MIGA2: variants seen among roughly 807,000 people sequenced by gnomAD.
MIGA2 encodes mitoguardin 2.
Under a neutral mutation model 69.9 loss-of-function variants are expected in MIGA2, and 36 were observed. The observed-to-expected ratio is 0.52, with a 90% CI of 0.39 to 0.68. The LOEUF (loss-of-function observed/expected upper bound fraction) is 0.68, where lower values mean the gene tolerates loss of function less well. Ranked by LOEUF, MIGA2 falls within the 30% of genes least tolerant of loss-of-function variation. The pLI is 0.00. For missense variants in MIGA2, 660 were observed against 787.7 expected (o/e 0.84, Z 1.94); for synonymous variants, 333 against 349.2 (o/e 0.95, Z 0.52).
intron 6 of MIGA2, among the ~76,000 whole-genome samples, chr9:129,053,419 A>C (rs1409630924): frequency 6.6e-6 from 1 of 150,474 alleles, no homozygotes; most frequent in Non-Finnish European, 1.5e-5. Context: ...GCTGGAGTGC[A>C]GTGGCGCAAT....
chr9:129,063,963 T>C (rs771012474), intron 11 of MIGA2, among the ~76,000 whole-genome samples: 1 of 152,182 alleles, frequency 6.6e-6, no homozygotes, highest in Non-Finnish European at 1.5e-5. Flanking sequence ...ACACCTGGGC[T>C]GTCTGAGGTT....
At chr9:129,064,431 TCTC>T (rs1028785274) in intron 11 of MIGA2, among the ~76,000 whole-genome samples, 23 of 151,818 alleles carry the variant, frequency 1.5e-4, no homozygotes, top group African/African-American at 5.6e-4. Flanking sequence ...ATGGTCTCGA[TCTC>T]CTGACCTCGT....
At position 129,059,351 on chromosome 9, in the gene MIGA2, C is replaced by G; in HGVS notation, c.793+80C>G. The G allele has an allele frequency of 5.2e-6, 6 of 1,148,560 alleles. No individual in the cohort carries two copies. Among genetic ancestry groups the G allele is most frequent in the Non-Finnish European group, 7.6e-6 (6 of 793,728 alleles). The allele number at this position is 1,148,560 out of a possible 1,614,324, so 71.1% of individuals were successfully genotyped here. ...TGAGGAGAAGTTGCGAGAACCGGGT[C>G]GTGGTTCTCTCAGTGCGTCCAATGA... On this transcript the variant is annotated intron_variant, in intron 7 of 15. Coordinates refer to ENST00000684074, the MANE Select transcript of MIGA2 (RefSeq NM_001329990.2). The surrounding 1 kb of genome is among the most constrained non-coding windows in gnomAD (Gnocchi z 5.6).
intron 4 of MIGA2, 21 bp from the exon 5 acceptor site, chr9:129,049,360 C>T: frequency 6.2e-7 from 1 of 1,610,972 alleles, no homozygotes; most frequent in Middle Eastern, 1.7e-4. Flanking sequence ...ACTCTTTCTT[C>T]TTGCACTGAT....
At chr9:129,042,004 G>A in intron 2 of MIGA2, 1 of 407,304 alleles carries the variant, frequency 2.5e-6, no homozygotes, top group Non-Finnish European at 4.7e-6. Context: ...TCCTAGTGCA[G>A]TGCCGGGCAC....
chr9:129,054,974 C>T lies in MIGA2; in HGVS notation c.676-4180C>T, dbSNP rs146211556. On this transcript the variant is annotated intron_variant, in intron 6 of 15. Coordinates refer to ENST00000684074, the MANE Select transcript of MIGA2 (RefSeq NM_001329990.2). The stretch of plus-strand genomic sequence containing the variant: ...TGGCACAATCTCGGCTCACCACAAC[C>T]TCCACCCCCCAGGTTCAAACGATTC... 4.8e-3 allele frequency among the ~76,000 whole-genome samples: 726 copies of T among 152,320 alleles called. 4 individuals carry two copies. Among genetic ancestry groups the T allele is most frequent in the African/African-American group, 0.015 (643 of 41,562 alleles).
In MIGA2 at chr9:129,060,702, C is replaced by G. The variant is rs1271523153; in HGVS notation, c.894+52C>G. 6.9e-7 allele frequency: 1 copy of G among 1,441,174 alleles called. No homozygotes were observed. Among genetic ancestry groups the G allele is most frequent in the Non-Finnish European group, 9.5e-7 (1 of 1,051,294 alleles). The allele number at this position is 1,441,174 out of a possible 1,614,324, so 89.3% of individuals were successfully genotyped here. A position where few individuals can be genotyped will look rare whatever the true frequency, so the allele number is the denominator to read the frequency against. ...GGGTGGGGTGAAGGCTGGGCCTCCT[C>G]TGCAGGTCCATGGGGCCAGCACTGG... On this transcript the variant is annotated intron_variant, in intron 8 of 15. Coordinates refer to ENST00000684074, the MANE Select transcript of MIGA2 (RefSeq NM_001329990.2). The surrounding 1 kb of genome is among the most constrained non-coding windows in gnomAD (Gnocchi z 4.8).
In MIGA2 at chr9:129,059,267, C is replaced by A; in HGVS notation, c.789C>A (p.Asp263Glu). Reference sequence around the variant, plus strand: ...TCCCCGCAGACAGCATGCTGCTAGACCTCGGTGAGCTGGGCCCAGTGCAGG... The same window carrying A: ...TCCCCGCAGACAGCATGCTGCTAGAACTCGGTGAGCTGGGCCCAGTGCAGG... The part of the protein sequence containing the change: ...STFPADSMLL[D>E]LERTLMLPLT... The change falls in exon 7 of 16, where the codon GAC becomes GAA. Residue 263 changes from aspartate to glutamate, a missense_variant. This residue lies in a region of MIGA2 where 386 missense variants were observed against 402.0 expected (regional missense o/e 0.96). Transcript: ENST00000684074. The surrounding 1 kb of genome is among the most constrained non-coding windows in gnomAD (Gnocchi z 5.6). 6.4e-7 allele frequency: 1 copy of A among 1,572,054 alleles called. No homozygotes were observed. The highest frequency in any genetic ancestry group is 8.6e-7 in the Non-Finnish European group (1 of 1,157,212).
At position 129,069,476 on chromosome 9, in the gene MIGA2, CCA is replaced by C. The variant is rs1358214218; in HGVS notation, c.1458+348_1458+349del. ...CTGTCCCTCCTGCCCTTTCCCCGCCCCAGTCAGGCCCCTGTAATCTCCGCTCC... is the reference window on the plus strand; with the variant it reads ...CTGTCCCTCCTGCCCTTTCCCCGCCCGTCAGGCCCCTGTAATCTCCGCTCC... On this transcript the variant is annotated intron_variant, in intron 14 of 15. Transcript: ENST00000684074. The surrounding 1 kb of genome is among the most constrained non-coding windows in gnomAD (Gnocchi z 4.9). 6 of 508,606 alleles carry C rather than the reference CCA, an allele frequency of 1.2e-5. No individual in the cohort carries two copies. Among genetic ancestry groups the C allele is most frequent in the Non-Finnish European group, 2.1e-5 (6 of 280,292 alleles). The allele number at this position is 508,606 out of a possible 1,614,324, so 31.5% of individuals were successfully genotyped here. A position where few individuals can be genotyped will look rare whatever the true frequency, so the allele number is the denominator to read the frequency against.
rs926962338 is a variant in MIGA2 at position 129,069,627 on chromosome 9, C to A, written c.1459-222C>A. On this transcript the variant is annotated intron_variant, in intron 14 of 15. Coordinates refer to ENST00000684074, the MANE Select transcript of MIGA2 (RefSeq NM_001329990.2). This position sits in a 1 kb window ranked among gnomAD's most constrained non-coding sequence, Gnocchi z 4.9. ...GCTCCAGGCACTTCCCGCGGAGCCA[C>A]TATGGCCCCACCTCTTGCAGTACTC... The A allele has an allele frequency of 2.4e-5, 14 of 585,760 alleles. No individual in the cohort carries two copies. Among genetic ancestry groups the A allele is most frequent in the Non-Finnish European group, 4.0e-5 (13 of 325,942 alleles). The allele number at this position is 585,760 out of a possible 1,614,324, so 36.3% of individuals were successfully genotyped here. A position where few individuals can be genotyped will look rare whatever the true frequency, so the allele number is the denominator to read the frequency against.
intron 11 of MIGA2, among the ~76,000 whole-genome samples, chr9:129,063,981 A>C (rs1001438131): frequency 6.6e-6 from 1 of 152,148 alleles, no homozygotes; most frequent in African/African-American, 2.4e-5. Flanking sequence ...GTTCACCATC[A>C]CAGACAACAC....
In MIGA2 at chr9:129,061,356, TGTGGAGGGAGGGAGGGAGGGAGCAGGA is replaced by T; in HGVS notation, c.1010+12_1010+38del. On this transcript the variant is annotated intron_variant, in intron 9 of 15. Coordinates refer to ENST00000684074, the MANE Select transcript of MIGA2 (RefSeq NM_001329990.2). The surrounding 1 kb of genome is among the most constrained non-coding windows in gnomAD (Gnocchi z 5.0). The stretch of plus-strand genomic sequence containing the variant: ...CTTGCCGGACCCTCAGGTGAGCAGG[TGTGGAGGGAGGGAGGGAGGGAGCAGGA>T]GGCGATGGGTGATTCTGGCCCTTGC... The T allele has an allele frequency of 7.1e-7, 1 of 1,400,824 alleles. No individual in the cohort carries two copies. Among genetic ancestry groups the T allele is most frequent in the Non-Finnish European group, 9.9e-7 (1 of 1,005,456 alleles). 86.8% of individuals were successfully genotyped at this position (1,400,824 alleles called of 1,614,324 possible).
At position 129,059,373 on chromosome 9, in the gene MIGA2, A is replaced by C; in HGVS notation, c.793+102A>C. On this transcript the variant is annotated intron_variant, in intron 7 of 15. Coordinates refer to ENST00000684074, the MANE Select transcript of MIGA2 (RefSeq NM_001329990.2). This position sits in a 1 kb window ranked among gnomAD's most constrained non-coding sequence, Gnocchi z 5.6. Reference sequence around the variant, plus strand: ...GGTCGTGGTTCTCTCAGTGCGTCCAATGAATCAGAATCCCCAGGGCTCTCC... The same window carrying C: ...GGTCGTGGTTCTCTCAGTGCGTCCACTGAATCAGAATCCCCAGGGCTCTCC... 1.2e-6 allele frequency: 1 copy of C among 845,990 alleles called. No individual in the cohort carries two copies. Among genetic ancestry groups the C allele is most frequent in the Non-Finnish European group, 1.9e-6 (1 of 526,510 alleles). The allele number at this position is 845,990 out of a possible 1,614,324, so 52.4% of individuals were successfully genotyped here.
Position 129,068,809 on chromosome 9 carries a change from T to C in MIGA2, c.1405-267T>C. 2.0e-6 allele frequency: 1 copy of C among 510,648 alleles called. No homozygotes were observed. Among genetic ancestry groups the C allele is most frequent in the South Asian group, 2.3e-5 (1 of 43,222 alleles). The allele number at this position is 510,648 out of a possible 1,614,324, so 31.6% of individuals were successfully genotyped here. A position where few individuals can be genotyped will look rare whatever the true frequency, so the allele number is the denominator to read the frequency against. On this transcript the variant is annotated intron_variant, in intron 13 of 15. Transcript: ENST00000684074. This position sits in a 1 kb window ranked among gnomAD's most constrained non-coding sequence, Gnocchi z 4.1. Reference sequence around the variant, plus strand: ...TTGCTCCCACAACCACCAAAGGAGGTGGGAGTGCTGTGTTGTGCCCCTTTA... The same window carrying C: ...TTGCTCCCACAACCACCAAAGGAGGCGGGAGTGCTGTGTTGTGCCCCTTTA...
In MIGA2 at chr9:129,068,007, G is replaced by C. The variant is rs554204655; in HGVS notation, c.1269+136G>C. 142 of 1,281,892 alleles carry C rather than the reference G, an allele frequency of 1.1e-4. 1 individual carries two copies. In the South Asian group the frequency reaches 1.8e-3, roughly 16 times the overall value. The allele number at this position is 1,281,892 out of a possible 1,614,324, so 79.4% of individuals were successfully genotyped here. ...TCACTGCTCATAGTCCCCGGTTCCT[G>C]CCCTGCCCCAGGCCAAGGCAGAGGG... On this transcript the variant is annotated intron_variant, in intron 12 of 15. Transcript: ENST00000684074. The surrounding 1 kb of genome is among the most constrained non-coding windows in gnomAD (Gnocchi z 4.1).
At chr9:129,062,563 G>A (rs1004067227) in intron 9 of MIGA2, among the ~76,000 whole-genome samples, 1 of 150,090 alleles carries the variant, frequency 6.7e-6, no homozygotes, top group African/African-American at 2.5e-5. Flanking sequence ...AAAAAACTGG[G>A]CCAGGCGCCA....
intron 3 of MIGA2, among the ~76,000 whole-genome samples, chr9:129,047,877 C>T (rs181746406): frequency 3.3e-5 from 5 of 152,072 alleles, no homozygotes; most frequent in South Asian, 2.1e-4. Context: ...CTGCAGGCCA[C>T]GCCACCACAC....
intron 3 of MIGA2, among the ~76,000 whole-genome samples, chr9:129,047,457 G>C (rs1421407208): frequency 2.6e-5 from 4 of 151,810 alleles, no homozygotes; most frequent in African/African-American, 9.7e-5. Flanking sequence ...CTGTTGCCCA[G>C]GCTGGAGTGC....
intron 11 of MIGA2, among the ~76,000 whole-genome samples, chr9:129,065,174 G>A (rs1173082252): frequency 2.6e-5 from 4 of 151,396 alleles, no homozygotes; most frequent in Non-Finnish European, 4.4e-5. Context: ...GGTGGCTTGC[G>A]CTTGTAATCC....
Sources: gnomAD v4.1 joint callset for allele counts (sites outside exome capture counted in the v4.1 genomes callset) on GRCh38, gnomAD v4.1.1 for gene constraint, gnomAD v4.1.1 regional missense constraint, Gnocchi (gnomAD v3.1) non-coding constraint, MANE v1.5 for transcripts, NCBI Gene and HGNC (gene_info 2026-07-23, HGNC 2026-07-21) for gene names.